ADAM8: variants seen among roughly 807,000 people sequenced by gnomAD.
The protein encoded by ADAM8 is ADAM metallopeptidase domain 8, also known as disintegrin and metalloproteinase domain-containing protein 8.
In ADAM8, 104 loss-of-function variants were observed where a neutral mutation model predicts 102.4. That is an observed-to-expected ratio of 1.02 (90% CI 0.87 to 1.20). ADAM8 has a LOEUF of 1.20. Ranked by LOEUF, ADAM8 falls within the 50% of genes most tolerant of loss-of-function variation. The pLI, the probability that ADAM8 is intolerant of heterozygous loss-of-function variation, is 0.00. For missense variants in ADAM8, 1,132 were observed against 1,159.0 expected (o/e 0.98, Z 0.34); for synonymous variants, 517 against 485.2 (o/e 1.07, Z -0.86).
intron 1 of ADAM8, among the ~76,000 whole-genome samples, chr10:133,276,482 T>A (rs1846757423): frequency 1.3e-5 from 2 of 152,168 alleles, no homozygotes; most frequent in Non-Finnish European, 2.9e-5. Flanking sequence ...GCGCAGCAGG[T>A]GAAGCGTCCT....
chr10:133,266,984 G>A (rs937053213), intron 21 of ADAM8, among the ~76,000 whole-genome samples: 3 of 113,880 alleles, frequency 2.6e-5, no homozygotes, highest in Admixed American at 7.9e-5. Flanking sequence ...CAAGGGAAGC[G>A]CGGAACGTGT....
chr10:133,276,501 C>G (rs1280558522), intron 1 of ADAM8, among the ~76,000 whole-genome samples: 1 of 152,222 alleles, frequency 6.6e-6, no homozygotes, highest in East Asian at 1.9e-4. Flanking sequence ...CTGCTTGGCC[C>G]GGCCCCGACC....
At position 133,262,688 on chromosome 10, in the gene ADAM8, C is replaced by T. The variant is rs1846198854; in HGVS notation, c.*468G>A. 1 of 160,112 alleles carries T rather than the reference C, an allele frequency of 6.2e-6. No homozygotes were observed. Among genetic ancestry groups the T allele is most frequent in the African/African-American group, 2.4e-5 (1 of 41,600 alleles). The allele number at this position is 160,112 out of a possible 1,614,324, so 9.9% of individuals were successfully genotyped here. On this transcript the variant is annotated 3_prime_UTR_variant, in exon 23 of 23. Coordinates refer to ENST00000445355, the MANE Select transcript of ADAM8 (RefSeq NM_001109.5). ...GGTGCAGTCTGCTCACTGACACCCT[C>T]TCGAAGAGCACGCAGGGGAACCTGG... is the stretch of plus-strand genomic sequence containing the variant.
In ADAM8 at chr10:133,268,735, C is replaced by T. The variant is rs776394612; in HGVS notation, c.2063+13G>A. The T allele has an allele frequency of 2.2e-5, 35 of 1,606,360 alleles. No individual in the cohort carries two copies. In the Middle Eastern group the frequency reaches 1.3e-3, roughly 60 times the overall value. On this transcript the variant is annotated intron_variant, in intron 19 of 22. Transcript: ENST00000445355. ...CACTCGCCACCCTCCGTCACAGCCC[C>T]CACCACCCTCACCTGCTCAGGATGC...
intron 8 of ADAM8, 98 bp downstream of exon 8, chr10:133,272,700 G>A: frequency 6.5e-7 from 1 of 1,530,172 alleles, no homozygotes; most frequent in Admixed American, 1.8e-5. Flanking sequence ...GCACAGGTGC[G>A]GGGCAGAGCT....
rs764589462 is a variant in ADAM8 at position 133,271,870 on chromosome 10, C to T, written c.1042G>A (p.Val348Ile). 1.2e-5 allele frequency: 19 copies of T among 1,612,592 alleles called. No individual in the cohort carries two copies. Among genetic ancestry groups the T allele is most frequent in the South Asian group, 9.9e-5 (9 of 91,090 alleles). ...HNLGMDHDEN[V>I]QGCRCQERFE... The stretch of plus-strand genomic sequence containing the variant: ...CGTTCCTGGCAGCGGCAGCCCTGGA[C>T]GTTCTCATCATGGTCCATGCCCAGG... The change falls in exon 11 of 23, where the codon GTC becomes ATC. Residue 348 changes from valine to isoleucine, a missense_variant. Coordinates refer to ENST00000445355, the MANE Select transcript of ADAM8 (RefSeq NM_001109.5).
In ADAM8 at chr10:133,275,547, A is replaced by G; in HGVS notation, c.87T>C (p.Tyr29=). ...PSRPWALMEQ[Y]EVVLPWRLPG... ...GCAGACGCCACGGCAACACGACCTC[A>G]TACTGCTCCATGAGGGCCCAGGGCC... The change falls in exon 2 of 23, where the codon TAT becomes TAC. Residue 29 remains tyrosine (Y), a synonymous_variant. Transcript: ENST00000445355. 6.6e-7 allele frequency: 1 copy of G among 1,512,738 alleles called. No homozygotes were observed. Among genetic ancestry groups the G allele is most frequent in the South Asian group, 1.3e-5 (1 of 78,030 alleles). The allele number at this position is 1,512,738 out of a possible 1,614,324, so 93.7% of individuals were successfully genotyped here. A position where few individuals can be genotyped will look rare whatever the true frequency, so the allele number is the denominator to read the frequency against.
intron 19 of ADAM8, among the ~76,000 whole-genome samples, chr10:133,268,474 G>A (rs951415513): frequency 1.3e-5 from 2 of 152,098 alleles, no homozygotes; most frequent in Non-Finnish European, 2.9e-5. Context: ...GGACCCCACC[G>A]GGCCTCTCTG....
Position 133,262,810 on chromosome 10 carries a change from G to A in ADAM8, c.*346C>T. 3.4e-6 allele frequency: 1 copy of A among 292,140 alleles called. No homozygotes were observed. The highest frequency in any genetic ancestry group is 4.1e-5 in the South Asian group (1 of 24,530). The allele number at this position is 292,140 out of a possible 1,614,324, so 18.1% of individuals were successfully genotyped here. On this transcript the variant is annotated 3_prime_UTR_variant, in exon 23 of 23. Coordinates refer to ENST00000445355, the MANE Select transcript of ADAM8 (RefSeq NM_001109.5). The stretch of plus-strand genomic sequence containing the variant: ...CTCAGCAGGCCCCAGAGCAGGGGCA[G>A]GTGTGGCTGGGAGGGGCTGTATATG...
chr10:133,269,882 A>G lies in ADAM8; in HGVS notation c.1863+15T>C, dbSNP rs1846461966. 1 of 1,612,250 alleles carries G rather than the reference A, an allele frequency of 6.2e-7. No individual in the cohort carries two copies. Among genetic ancestry groups the G allele is most frequent in the South Asian group, 1.1e-5 (1 of 91,080 alleles). On this transcript the variant is annotated intron_variant, in intron 17 of 22. Transcript: ENST00000445355. ...GCCTCTGTGCAGGGGCCCTGTCCCG[A>G]GAGGCCACACATACCCCATGGTTGT...
rs1846520247 is a variant in ADAM8 at position 133,271,416 on chromosome 10, A to T, written c.1284+112T>A. On this transcript the variant is annotated intron_variant, in intron 12 of 22. Coordinates refer to ENST00000445355, the MANE Select transcript of ADAM8 (RefSeq NM_001109.5). Reference sequence around the variant, plus strand: ...CTCCCTCCCTGTGACCGCTCTGGACACCCACAGAGCCCCAAGTTCCACGTG... The same window carrying T: ...CTCCCTCCCTGTGACCGCTCTGGACTCCCACAGAGCCCCAAGTTCCACGTG... The T allele has an allele frequency of 2.0e-6, 3 of 1,464,334 alleles. No homozygotes were observed. The South Asian group carries it at 3.9e-5, about 19-fold the overall frequency. 90.7% of individuals were successfully genotyped at this position (1,464,334 alleles called of 1,614,324 possible).
intron 21 of ADAM8, among the ~76,000 whole-genome samples, chr10:133,264,340 C>T (rs965016105): frequency 8.5e-5 from 13 of 152,338 alleles, no homozygotes; most frequent in African/African-American, 3.1e-4. Context: ...GGATTACAGG[C>T]ATGAGCCAAT....
chr10:133,270,497 C>T lies in ADAM8; in HGVS notation c.1648G>A (p.Gly550Ser), dbSNP rs1343846904. ...KASRYRADMC[G>S]VLQCKGGQQP... ...TGCCCACCCTTGCACTGCAGAACGC[C>T]ACACATGTCAGCCCTGTGGATGGAC... Residue 550 changes from glycine to serine, a missense_variant, in exon 16 of 23, where the codon GGC (glycine) becomes AGC (serine). Physicochemically the swap from Gly to Ser is moderately conservative, Grantham distance 56. Coordinates refer to ENST00000445355, the MANE Select transcript of ADAM8 (RefSeq NM_001109.5). The T allele has an allele frequency of 1.3e-6, 2 of 1,594,900 alleles. No homozygotes were observed. Among genetic ancestry groups the T allele is most frequent in the East Asian group, 4.5e-5 (2 of 44,312 alleles).
In ADAM8 at chr10:133,273,400, G is replaced by A. The variant is rs1846624104; in HGVS notation, c.427C>T (p.Leu143=). The part of the protein sequence containing the change: ...VGSDLHLIEP[L]DEGGEGGRHA... The stretch of plus-strand genomic sequence containing the variant: ...CGTCCGCCCTCGCCACCTTCATCCA[G>A]GGGCTCGATCAGGTGCAGGTCTGAC... Residue 143 remains leucine (L), a synonymous_variant, in exon 6 of 23, where the codon CTG becomes TTG. Transcript: ENST00000445355. 1.9e-6 allele frequency: 3 copies of A among 1,549,222 alleles called. No individual in the cohort carries two copies. The highest frequency in any genetic ancestry group is 1.4e-5 in the African/African-American group (1 of 73,062).
In ADAM8 at chr10:133,272,434, T is replaced by C. The variant is rs1846566813; in HGVS notation, c.857A>G (p.Asp286Gly). The C allele has an allele frequency of 1.9e-6, 3 of 1,608,158 alleles. No individual in the cohort carries two copies. The highest frequency in any genetic ancestry group is 2.5e-6 in the Non-Finnish European group (3 of 1,178,982). Residue 286 changes from aspartate (D) to glycine (G), a missense_variant, in exon 9 of 23, where the codon GAC becomes GGC. Transcript: ENST00000445355. Reference protein sequence around the residue: ...ARQRTRRHLHDNVQLITGVDF... With the variant: ...ARQRTRRHLHGNVQLITGVDF... ...AGCTCACGTGATGAGCTGTACGTTG[T>C]CATGCAGGTGCCGCCGTGTCCGTTG... is the stretch of plus-strand genomic sequence containing the variant.
chr10:133,265,824 A>G (rs1846308894), intron 21 of ADAM8, among the ~76,000 whole-genome samples: 1 of 152,134 alleles, frequency 6.6e-6, no homozygotes, highest in African/African-American at 2.4e-5. Context: ...GAAAATCACT[A>G]TTAGGCAAAC....
At chr10:133,263,973 C>G (rs557486898) in intron 21 of ADAM8, 36 of 451,104 alleles carry the variant, frequency 8.0e-5, no homozygotes, top group Admixed American at 2.6e-4. Context: ...AGTGGCAGAA[C>G]GCCATCCTGG....
chr10:133,275,690 C>A (rs997274702), intron 1 of ADAM8, 103 bp from the exon 2 acceptor site: 17 of 624,592 alleles, frequency 2.7e-5, no homozygotes, highest in Non-Finnish European at 3.4e-5. Flanking sequence ...GCTTGACCCT[C>A]CCCTGGGGAA....
intron 18 of ADAM8, chr10:133,269,088 T>C: frequency 2.1e-5 from 21 of 985,456 alleles, no homozygotes; most frequent in Non-Finnish European, 2.5e-5. Flanking sequence ...GCTGTGCCTT[T>C]GAGGCCTGAT....
Sources: gnomAD v4.1 joint callset for allele counts (sites outside exome capture counted in the v4.1 genomes callset) on GRCh38, gnomAD v4.1.1 for gene constraint, MANE v1.5 for transcripts, NCBI Gene and HGNC (gene_info 2026-07-23, HGNC 2026-07-21) for gene names.